The following NRG3 variants were observed in gnomAD, a reference collection of about 807,000 sequenced individuals.
NRG3 encodes the protein neuregulin 3, also known as pro-neuregulin-3, membrane-bound isoform.
In NRG3, 31 loss-of-function variants were observed where a neutral mutation model predicts 66.9. The observed-to-expected ratio is 0.46, with a 90% CI of 0.35 to 0.63. The LOEUF is 0.63. NRG3 is among the 20% of genes least tolerant of loss of function. NRG3 has a pLI of 0.00. For synonymous variants in NRG3, 393 were observed against 359.4 expected (o/e 1.09, Z -1.06); for missense variants, 910 against 878.9 (o/e 1.04, Z -0.45).
intron 2 of NRG3, among the ~76,000 whole-genome samples, chr10:82,561,720 A>G (rs1202510846): frequency 6.6e-6 from 1 of 152,156 alleles, no homozygotes; most frequent in Non-Finnish European, 1.5e-5. Context: ...CACATTTCTC[A>G]GTTTTGCTTA....
At chr10:82,662,715 T>C (rs2052461323) in intron 2 of NRG3, among the ~76,000 whole-genome samples, 1 of 152,124 alleles carries the variant, frequency 6.6e-6, no homozygotes, top group South Asian at 2.1e-4. Context: ...GAGCATAACA[T>C]TTAGATCCTC....
Position 82,350,915 on chromosome 10 carries a change from G to A in NRG3, c.824-7824G>A, listed in dbSNP as rs150139832. Among the ~76,000 whole-genome samples the A allele has an allele frequency of 8.0e-3, 1,211 of 150,756 alleles. 14 individuals are homozygous for A. The highest frequency in any genetic ancestry group is 0.027 in the African/African-American group (1,125 of 41,124). On this transcript the variant is annotated intron_variant, in intron 1 of 8. Transcript: ENST00000372141. ...ACTCTTCTTTTTTTTTTTTTTAGAT[G>A]GAGTCTTGTGCTGTCACCCAGGCTG...
chr10:82,590,195 G>A (rs138185128), intron 2 of NRG3, among the ~76,000 whole-genome samples: 54 of 152,256 alleles, frequency 3.5e-4, no homozygotes, highest in African/African-American at 1.3e-3. Flanking sequence ...AGCTAGGTTA[G>A]GCAGATATTT....
At chr10:82,499,810 AG>A (rs1843981542) in intron 2 of NRG3, among the ~76,000 whole-genome samples, 1 of 152,168 alleles carries the variant, frequency 6.6e-6, no homozygotes, top group Admixed American at 6.5e-5. Flanking sequence ...AGAGACTTTG[AG>A]GTGTGAAAAA....
intron 1 of NRG3, among the ~76,000 whole-genome samples, chr10:81,988,284 T>C (rs912878689): frequency 5.3e-5 from 8 of 152,116 alleles, no homozygotes; most frequent in African/African-American, 1.9e-4. Context: ...TTGAACTCAG[T>C]TCAAATAAGG....
intron 2 of NRG3, among the ~76,000 whole-genome samples, chr10:82,618,917 G>C (rs2048848442): frequency 6.8e-6 from 1 of 147,838 alleles, no homozygotes; most frequent in African/African-American, 2.5e-5. Context: ...TCTGAATGGA[G>C]GTAATAGGAG....
intron 4 of NRG3, among the ~76,000 whole-genome samples, chr10:82,866,590 G>C (rs1038789130): frequency 1.3e-5 from 2 of 152,182 alleles, no homozygotes; most frequent in Admixed American, 6.5e-5. Flanking sequence ...TTGTTGGATA[G>C]ATGTGATGAA....
chr10:81,905,858 A>G (rs1034541699), intron 1 of NRG3, among the ~76,000 whole-genome samples: 3 of 152,212 alleles, frequency 2.0e-5, no homozygotes, highest in African/African-American at 4.8e-5. Flanking sequence ...TTGCCTTCTT[A>G]AGAGGTTTCC....
intron 3 of NRG3, among the ~76,000 whole-genome samples, chr10:82,766,431 G>T (rs1428008294): frequency 1.3e-5 from 2 of 152,182 alleles, no homozygotes; most frequent in East Asian, 1.9e-4. Flanking sequence ...TCACACTTTT[G>T]TCTATAAAGA....
chr10:82,647,508 G>T (rs1393769120), intron 2 of NRG3, among the ~76,000 whole-genome samples: 2 of 152,132 alleles, frequency 1.3e-5, no homozygotes, highest in Non-Finnish European at 2.9e-5. Flanking sequence ...ATAGTCCTTT[G>T]GGTATATATC....
chr10:82,879,522 G>A (rs944079386), intron 4 of NRG3, among the ~76,000 whole-genome samples: 1 of 146,476 alleles, frequency 6.8e-6, no homozygotes, highest in Non-Finnish European at 1.5e-5. Context: ...GCCCAGGCTG[G>A]AGTGCAGTGG....
chr10:82,963,846 A>G (rs1349469771), intron 6 of NRG3, among the ~76,000 whole-genome samples: 4 of 152,122 alleles, frequency 2.6e-5, no homozygotes, highest in Non-Finnish European at 5.9e-5. Context: ...GTGAGTGACT[A>G]CAATCCCACA....
intron 2 of NRG3, among the ~76,000 whole-genome samples, chr10:82,534,858 A>T (rs539435452): frequency 1.3e-5 from 2 of 152,020 alleles, no homozygotes; most frequent in Admixed American, 1.3e-4. Context: ...TCATTAATTT[A>T]TTCACTCAAA....
chr10:82,660,230 A>C (rs1468749083), intron 2 of NRG3, among the ~76,000 whole-genome samples: 1 of 143,602 alleles, frequency 7.0e-6, no homozygotes, highest in Non-Finnish European at 1.5e-5. Context: ...AAAAAAAAAA[A>C]AAAAACTGGA....
chr10:82,851,840 G>A (rs1040161353), intron 3 of NRG3, among the ~76,000 whole-genome samples: 53 of 152,090 alleles, frequency 3.5e-4, no homozygotes, highest in African/African-American at 1.2e-3. Flanking sequence ...ATTAAATTGC[G>A]TACTGTCACT....
chr10:82,334,920 C>G (rs963410753), intron 1 of NRG3, among the ~76,000 whole-genome samples: 1 of 152,148 alleles, frequency 6.6e-6, no homozygotes, highest in African/African-American at 2.4e-5. Context: ...CAGGAGGTGC[C>G]AGCATTTATT....
At chr10:82,051,851 T>C (rs2063607606) in intron 1 of NRG3, among the ~76,000 whole-genome samples, 1 of 141,970 alleles carries the variant, frequency 7.0e-6, no homozygotes, top group South Asian at 2.1e-4. Context: ...TCTGTTGAAC[T>C]AAGGTCAAAC....
At chr10:81,968,193 C>T (rs2059802559) in intron 1 of NRG3, among the ~76,000 whole-genome samples, 1 of 152,232 alleles carries the variant, frequency 6.6e-6, no homozygotes, top group Non-Finnish European at 1.5e-5. Context: ...GCCTGAGCCA[C>T]TGCCTCAAGC....
At chr10:82,744,328 T>C (rs1316659411) in intron 3 of NRG3, among the ~76,000 whole-genome samples, 3 of 152,164 alleles carry the variant, frequency 2.0e-5, no homozygotes, top group African/African-American at 7.2e-5. Flanking sequence ...TTCTCACTAT[T>C]GTGAATGCTA....
Sources: gnomAD v4.1 joint callset for allele counts (sites outside exome capture counted in the v4.1 genomes callset) on GRCh38, gnomAD v4.1.1 for gene constraint, MANE v1.5 for transcripts, NCBI Gene and HGNC (gene_info 2026-07-23, HGNC 2026-07-21) for gene names.